PABPC4: variants seen among roughly 807,000 people sequenced by gnomAD.
The protein encoded by PABPC4 is poly(A) binding protein cytoplasmic 4.
Under a neutral mutation model 74.5 loss-of-function variants are expected in PABPC4, and 15 were observed. The observed-to-expected ratio is 0.20, with a 90% CI of 0.13 to 0.31. The LOEUF is 0.31. PABPC4 is among the 10% of genes least tolerant of loss of function. The probability of loss-of-function intolerance (pLI) is 1.00; values close to 1 mark genes in which losing one functional copy is unlikely to be tolerated. For missense variants in PABPC4, 610 were observed against 853.5 expected (o/e 0.71, Z 3.55); for synonymous variants, 345 against 303.0 (o/e 1.14, Z -1.44).
rs1025621968 is a variant in PABPC4, at chr1:39,576,173, C to A, written c.-222G>T. 3.4e-5 allele frequency: 15 copies of A among 446,936 alleles called. No individual in the cohort carries two copies. The highest frequency in any genetic ancestry group is 4.7e-5 in the Non-Finnish European group (12 of 253,312). The allele number at this position is 446,936 out of a possible 1,614,324, so 27.7% of individuals were successfully genotyped here. On this transcript the variant is annotated 5_prime_UTR_variant, in exon 1 of 16. Transcript: ENST00000372858. ...CACCGCAGACAAAAGGCTCTCCGCA[C>A]AATACGGCCCTCCCCGCGACTTTGC...
chr1:39,562,593 A>G, intron 12 of PABPC4, 177 bp from the exon 13 acceptor site: 2 of 566,798 alleles, frequency 3.5e-6, no homozygotes, highest in Admixed American at 6.6e-5. Flanking sequence ...GTTGAGGAAC[A>G]GAGTGGTATG....
In PABPC4 at chr1:39,569,865, A is replaced by G; in HGVS notation, c.641T>C (p.Phe214Ser). Residue 214 changes from phenylalanine (F) to serine (S), a missense_variant and splice_region_variant, in exon 4 of 16, where the codon TTT becomes TCT. Physicochemically the swap from Phe to Ser is radical, Grantham distance 155. Transcript: ENST00000372858. ...GGAGACAAGGAACCCCAACTTACCAAACTGACTGAATAGCTCTTTCAGACT... is the reference window on the plus strand; with the variant it reads ...GGAGACAAGGAACCCCAACTTACCAGACTGACTGAATAGCTCTTTCAGACT... ...DESLKELFSQ[F>S]GKTLSVKVMR... The G allele has an allele frequency of 6.2e-7, 1 of 1,613,922 alleles. No individual in the cohort carries two copies.
chr1:39,574,795 G>A (rs1404076779), intron 1 of PABPC4, among the ~76,000 whole-genome samples: 2 of 152,202 alleles, frequency 1.3e-5, no homozygotes, highest in Non-Finnish European at 2.9e-5. Context: ...CTCTGCAGTT[G>A]TTCCCTTTTA....
intron 14 of PABPC4, 94 bp from the exon 15 acceptor site, chr1:39,561,881 C>G: frequency 1.6e-6 from 2 of 1,231,128 alleles, no homozygotes; most frequent in Non-Finnish European, 2.3e-6. Context: ...GCCAACTGTA[C>G]AGATGATCCC....
intron 6 of PABPC4, 137 bp from the exon 7 acceptor site, chr1:39,567,983 C>T (rs555288409): frequency 2.4e-5 from 14 of 584,304 alleles, no homozygotes; most frequent in African/African-American, 2.1e-4. Context: ...CTCGGCCGGA[C>T]GCGGTGGCTC....
At chr1:39,561,642 G>T in intron 15 of PABPC4, 43 bp downstream of exon 15, 2 of 1,364,100 alleles carry the variant, frequency 1.5e-6, no homozygotes, top group South Asian at 1.2e-5. Context: ...ATGCTCATAG[G>T]AACAATGCTC....
intron 3 of PABPC4, chr1:39,570,982 C>G (rs1204699392): frequency 8.0e-7 from 1 of 1,251,146 alleles, no homozygotes; most frequent in African/African-American, 1.5e-5. Flanking sequence ...TTGATGCTCA[C>G]AAAACCCACA....
chr1:39,565,586 T>G (rs1019615663), intron 7 of PABPC4, among the ~76,000 whole-genome samples: 12 of 152,032 alleles, frequency 7.9e-5, no homozygotes, highest in African/African-American at 2.9e-4. Context: ...TCCCAGCACT[T>G]TGGGAGGCCG....
chr1:39,574,042 A>C (rs1482724242), intron 1 of PABPC4, among the ~76,000 whole-genome samples: 2 of 152,098 alleles, frequency 1.3e-5, no homozygotes, highest in Non-Finnish European at 2.9e-5. Context: ...TCAGGACAAC[A>C]TCTCACTTAA....
intron 1 of PABPC4, among the ~76,000 whole-genome samples, chr1:39,575,529 G>C (rs578015664): frequency 6.6e-6 from 1 of 152,168 alleles, no homozygotes; most frequent in Non-Finnish European, 1.5e-5. Flanking sequence ...CCCACTACCA[G>C]CAACACTAAT....
intron 3 of PABPC4, chr1:39,570,762 T>G (rs564739614): frequency 7.7e-5 from 13 of 168,346 alleles, no homozygotes; most frequent in African/African-American, 3.1e-4. Flanking sequence ...ATTAGGTCAC[T>G]GAGTCATAAG....
intron 5 of PABPC4, 135 bp downstream of exon 5, chr1:39,569,460 T>G (rs1268442084): frequency 5.9e-6 from 4 of 677,784 alleles, no homozygotes; most frequent in African/African-American, 1.8e-5. Flanking sequence ...AGGAAGATGA[T>G]CCCAGAGTAT....
Position 39,576,352 on chromosome 1 carries a change from A to C in PABPC4, c.-401T>G. On this transcript the variant is annotated 5_prime_UTR_variant, in exon 1 of 16. Coordinates refer to ENST00000372858, the MANE Select transcript of PABPC4 (RefSeq NM_001135653.2). ...CTCGGGGACACGCGTTTCTCTATAA[A>C]TATAGGCCTCGGGCTCCGGCGGTTT... 1 of 158,146 alleles carries C rather than the reference A, an allele frequency of 6.3e-6. No individual in the cohort carries two copies. The allele number at this position is 158,146 out of a possible 1,614,324, so 9.8% of individuals were successfully genotyped here.
chr1:39,561,879 T>TAC, intron 14 of PABPC4, 92 bp from the exon 15 acceptor site: 1 of 1,246,468 alleles, frequency 8.0e-7, no homozygotes, highest in Non-Finnish European at 1.2e-6. Context: ...AAGCCAACTG[T>TAC]ACAGATGATC....
Position 39,571,349 on chromosome 1 carries a change from C to A in PABPC4, c.388G>T (p.Val130Leu). Residue 130 changes from valine (V) to leucine (L), a missense_variant and splice_region_variant, in exon 3 of 16, where the codon GTG (valine) becomes TTG (leucine). Physicochemically the swap from Val to Leu is conservative, Grantham distance 32 (BLOSUM62 1). Transcript: ENST00000372858. ...TTAGAGCCGTTCTCATCACACACCA[C>A]CTGTCAAAGACAAGGCGGACCACTT... ...SAFGNILSCK[V>L]VCDENGSKGY... 6.2e-7 allele frequency: 1 copy of A among 1,614,152 alleles called. No homozygotes were observed. Among genetic ancestry groups the A allele is most frequent in the South Asian group, 1.1e-5 (1 of 91,082 alleles).
intron 3 of PABPC4, chr1:39,570,466 G>A (rs1300221181): frequency 6.4e-6 from 1 of 156,714 alleles, no homozygotes; most frequent in East Asian, 1.9e-4. Context: ...TGACATTTTT[G>A]TATTTCTTTT....
Position 39,564,739 on chromosome 1 carries a change from T to C in PABPC4, c.1280A>G (p.Gln427Arg). 1 of 1,614,168 alleles carries C rather than the reference T, an allele frequency of 6.2e-7. No individual in the cohort carries two copies. The highest frequency in any genetic ancestry group is 8.5e-7 in the Non-Finnish European group (1 of 1,180,028). The part of the protein sequence containing the change: ...QGRPPYYTPN[Q>R]LAQMRPNPRW... ...TGGATTAGGCCTCATCTGTGCTAAC[T>C]GGTTAGGTGTATAATATGGAGGCCT... Residue 427 changes from glutamine (Q) to arginine (R), a missense_variant, in exon 9 of 16, where the codon CAG becomes CGG. By Grantham distance (43) the Gln-to-Arg change is conservative. This residue lies in a region of PABPC4 where 277 missense variants were observed against 301.8 expected (regional missense o/e 0.92). Coordinates refer to ENST00000372858, the MANE Select transcript of PABPC4 (RefSeq NM_001135653.2).
intron 8 of PABPC4, 144 bp downstream of exon 8, chr1:39,564,962 C>T: frequency 1.0e-6 from 1 of 975,136 alleles, no homozygotes; most frequent in Non-Finnish European, 1.5e-6. Flanking sequence ...TGTTTGTGAC[C>T]ATGGGTAAGT....
chr1:39,565,339 C>A lies in PABPC4; in HGVS notation c.1012G>T (p.Val338Phe). ...GCTTCTTCAGGAGATGAGAAGCAGA[C>A]GAAGCCAAACCCTTTGCTTCTTCCA... ...EDGRSKGFGF[V>F]CFSSPEEATK... is the part of the protein sequence containing the mutation. Residue 338 changes from valine (V) to phenylalanine (F), a missense_variant, in exon 8 of 16, where the codon GTC (valine) becomes TTC (phenylalanine). Val to Phe is a conservative substitution (Grantham distance 50, BLOSUM62 -1). Transcript: ENST00000372858. 1.2e-6 allele frequency: 2 copies of A among 1,613,736 alleles called. No homozygotes were observed. Among genetic ancestry groups the A allele is most frequent in the Non-Finnish European group, 1.7e-6 (2 of 1,179,918 alleles).
Sources: gnomAD v4.1 joint callset for allele counts (sites outside exome capture counted in the v4.1 genomes callset) on GRCh38, gnomAD v4.1.1 for gene constraint, gnomAD v4.1.1 regional missense constraint, MANE v1.5 for transcripts, NCBI Gene and HGNC (gene_info 2026-07-23, HGNC 2026-07-21) for gene names.